The following PRSS12 variants were observed in gnomAD, a reference collection of about 807,000 sequenced individuals.
PRSS12 encodes neurotrypsin.
In PRSS12, 85 loss-of-function variants were observed where a neutral mutation model predicts 104.4. That is an observed-to-expected ratio of 0.81 (90% CI 0.68 to 0.98). The LOEUF is 0.98. Among genes scored for constraint, PRSS12 ranks in the 50% least tolerant of loss-of-function variants. PRSS12 has a pLI of 0.00. For missense variants in PRSS12, 1,141 were observed against 1,139.2 expected (o/e 1.00, Z -0.02); for synonymous variants, 454 against 425.2 (o/e 1.07, Z -0.83).
chr4:118,283,692 C>T (rs570392800), intron 11 of PRSS12, among the ~76,000 whole-genome samples: 1 of 152,074 alleles, frequency 6.6e-6, no homozygotes, highest in African/African-American at 2.4e-5. Context: ...ACTTTGACAC[C>T]CTCGTATTTA....
chr4:118,297,455 G>C (rs1307407374), intron 9 of PRSS12, among the ~76,000 whole-genome samples: 2 of 151,836 alleles, frequency 1.3e-5, no homozygotes, highest in Non-Finnish European at 2.9e-5. Flanking sequence ...TCAGTATTCA[G>C]GGGAAAGAGC....
chr4:118,346,419 C>T (rs1724355747), intron 1 of PRSS12, among the ~76,000 whole-genome samples: 1 of 150,114 alleles, frequency 6.7e-6, no homozygotes. Context: ...AATTTCATAC[C>T]CTTCTTTCCC....
chr4:118,348,435 T>A (rs1411185323), intron 1 of PRSS12, among the ~76,000 whole-genome samples: 1 of 152,162 alleles, frequency 6.6e-6, no homozygotes, highest in African/African-American at 2.4e-5. Flanking sequence ...TGCCCTTCCA[T>A]GTGTTCTGCC....
At chr4:118,298,283 A>T (rs1743301283) in intron 9 of PRSS12, among the ~76,000 whole-genome samples, 1 of 152,232 alleles carries the variant, frequency 6.6e-6, no homozygotes, top group African/African-American at 2.4e-5. Context: ...AAAATCTACA[A>T]AACATCATTT....
Position 118,320,503 on chromosome 4 carries a change from G to A in PRSS12, c.972-1947C>T, listed in dbSNP as rs189075548. On this transcript the variant is annotated intron_variant, in intron 4 of 12. Transcript: ENST00000296498. The stretch of plus-strand genomic sequence containing the variant: ...ACAGTGGCTCACGCCTGTAATCCCA[G>A]CACTTTGGGAAGCCAAGGTGGGTGG... Among the ~76,000 whole-genome samples the A allele has an allele frequency of 4.7e-3, 719 of 152,276 alleles. 13 individuals are homozygous for A. Among genetic ancestry groups the A allele is most frequent in the African/African-American group, 0.017 (693 of 41,564 alleles).
rs574359314 is a variant in PRSS12 at position 118,314,940 on chromosome 4, G to T, written c.1292+1242C>A. The stretch of plus-strand genomic sequence containing the variant: ...AAACAGAGTATAGTTGGCAGTCTGA[G>T]ATTCACTTAAATATAAAGTGATATT... On this transcript the variant is annotated intron_variant, in intron 6 of 12. Transcript: ENST00000296498. Among the ~76,000 whole-genome samples, 3 of 152,144 alleles carry T rather than the reference G, an allele frequency of 2.0e-5. No homozygotes were observed. The South Asian group carries it at 6.2e-4, about 32-fold the overall frequency.
At chr4:118,314,959 T>A (rs1313688666) in intron 6 of PRSS12, among the ~76,000 whole-genome samples, 1 of 152,074 alleles carries the variant, frequency 6.6e-6, no homozygotes, top group Non-Finnish European at 1.5e-5. Flanking sequence ...AAATATAAAG[T>A]GATATTTATT....
At chr4:118,331,633 A>G (rs1481792334) in intron 4 of PRSS12, 83 bp downstream of exon 4, 18 of 1,566,472 alleles carry the variant, frequency 1.1e-5, no homozygotes, top group Non-Finnish European at 1.4e-5. Flanking sequence ...GAAATGTGCA[A>G]TTTAAACAAA....
chr4:118,339,581 T>C (rs1042272852), intron 1 of PRSS12, among the ~76,000 whole-genome samples: 3 of 152,206 alleles, frequency 2.0e-5, no homozygotes, highest in African/African-American at 7.2e-5. Context: ...GTGAGCATTG[T>C]ACAGTACTGC....
Position 118,352,783 on chromosome 4 carries a change from G to C in PRSS12, c.-63C>G. The C allele has an allele frequency of 6.3e-7, 1 of 1,596,678 alleles. No homozygotes were observed. The highest frequency in any genetic ancestry group is 8.5e-7 in the Non-Finnish European group (1 of 1,174,122). On this transcript the variant is annotated 5_prime_UTR_variant, in exon 1 of 13. Coordinates refer to ENST00000296498, the MANE Select transcript of PRSS12 (RefSeq NM_003619.4). ...CTTCTCGGGCTTGGAGCGGAGAAGA[G>C]GAGGGGGCGGGGGCGGGGCTGCCGC...
intron 4 of PRSS12, among the ~76,000 whole-genome samples, chr4:118,327,009 ATGT>A (rs1433329538): frequency 1.3e-5 from 2 of 152,154 alleles, no homozygotes; most frequent in East Asian, 1.9e-4. Flanking sequence ...TAAATAAATA[ATGT>A]TGTAAGAAAG....
chr4:118,326,390 G>T (rs958934184), intron 4 of PRSS12, among the ~76,000 whole-genome samples: 1 of 152,150 alleles, frequency 6.6e-6, no homozygotes, highest in African/African-American at 2.4e-5. Context: ...CCCTGCAACC[G>T]AATGATGCTA....
At chr4:118,322,136 T>C (rs1486148439) in intron 4 of PRSS12, among the ~76,000 whole-genome samples, 1 of 151,928 alleles carries the variant, frequency 6.6e-6, no homozygotes, top group East Asian at 1.9e-4. Context: ...TAGAAAAATA[T>C]GTTTTAAATC....
At chr4:118,344,788 T>C (rs920884896) in intron 1 of PRSS12, among the ~76,000 whole-genome samples, 7 of 152,168 alleles carry the variant, frequency 4.6e-5, no homozygotes, top group Non-Finnish European at 1.0e-4. Flanking sequence ...TTTAAAACAT[T>C]ATATGATATC....
chr4:118,296,414 C>T (rs1422779468), intron 9 of PRSS12, among the ~76,000 whole-genome samples: 2 of 151,916 alleles, frequency 1.3e-5, no homozygotes, highest in Non-Finnish European at 2.9e-5. Context: ...GGTATACAGG[C>T]AAACCTCCCA....
In PRSS12 at chr4:118,352,423, C is replaced by T. The variant is rs935904468; in HGVS notation, c.298G>A (p.Val100Ile). ...PWGCPAGEPW[V>I]SVTDFGAPCL... ...GGGGCGCCGAAGTCCGTCACGCTGA[C>T]CCATGGCTCGCCGGCGGGGCAGCCC... Residue 100 changes from valine to isoleucine, a missense_variant, in exon 1 of 13, where the codon GTC becomes ATC. Physicochemically the swap from Val to Ile is conservative, Grantham distance 29. Coordinates refer to ENST00000296498, the MANE Select transcript of PRSS12 (RefSeq NM_003619.4). The T allele has an allele frequency of 2.6e-6, 4 of 1,513,050 alleles. No individual in the cohort carries two copies. Among genetic ancestry groups the T allele is most frequent in the Non-Finnish European group, 3.5e-6 (4 of 1,134,834 alleles). 93.7% of individuals were successfully genotyped at this position (1,513,050 alleles called of 1,614,324 possible).
chr4:118,335,140 A>G (rs1294479112), intron 3 of PRSS12, among the ~76,000 whole-genome samples: 2 of 152,148 alleles, frequency 1.3e-5, no homozygotes, highest in African/African-American at 4.8e-5. Context: ...TTCCAGCTTG[A>G]TTCCATCATA....
intron 6 of PRSS12, among the ~76,000 whole-genome samples, chr4:118,314,417 C>T (rs1445841335): frequency 1.3e-5 from 2 of 152,008 alleles, no homozygotes; most frequent in African/African-American, 4.8e-5. Flanking sequence ...TTCTATTTTG[C>T]TGACTAATCA....
At chr4:118,288,777 A>G (rs1382681220) in intron 11 of PRSS12, among the ~76,000 whole-genome samples, 4 of 152,232 alleles carry the variant, frequency 2.6e-5, no homozygotes, top group African/African-American at 4.8e-5. Context: ...GAAAGCAAAA[A>G]TTAGCAATTT....
Sources: gnomAD v4.1 joint callset for allele counts (sites outside exome capture counted in the v4.1 genomes callset) on GRCh38, gnomAD v4.1.1 for gene constraint, MANE v1.5 for transcripts, NCBI Gene and HGNC (gene_info 2026-07-23, HGNC 2026-07-21) for gene names.